The following CNGB1 variants were observed in gnomAD, a reference collection of about 807,000 sequenced individuals.
The protein encoded by CNGB1 is cyclic nucleotide-gated channel beta-1.
CNGB1 carries 126 observed loss-of-function variants against 151.7 expected under a neutral mutation model. The observed-to-expected ratio is 0.83, with a 90% CI of 0.72 to 0.96. CNGB1 has a LOEUF of 0.96. Ranked by LOEUF, CNGB1 falls within the 40% of genes least tolerant of loss-of-function variation. The probability of loss-of-function intolerance (pLI) is 0.00; values close to 1 mark genes in which losing one functional copy is unlikely to be tolerated. For synonymous variants in CNGB1, 623 were observed against 635.1 expected, an observed-to-expected ratio of 0.98 and a Z score of 0.29; for missense variants, 1,698 against 1,627.0, an observed-to-expected ratio of 1.04 and a Z score of -0.75.
intron 12 of CNGB1, 88 bp from the exon 13 acceptor site, chr16:57,950,628 T>A: frequency 3.3e-5 from 42 of 1,277,290 alleles, no homozygotes; most frequent in Non-Finnish European, 4.1e-5. Flanking sequence ...CAGGGAGCCC[T>A]GGCTGTCGCC....
At chr16:57,911,310 G>A (rs532889264) in intron 25 of CNGB1, among the ~76,000 whole-genome samples, 3 of 152,242 alleles carry the variant, frequency 2.0e-5, no homozygotes, top group African/African-American at 7.2e-5. Flanking sequence ...TATTTTTTGA[G>A]ATGGAGTTTC....
intron 29 of CNGB1, among the ~76,000 whole-genome samples, chr16:57,899,169 C>T (rs1011910448): frequency 2.0e-5 from 3 of 152,144 alleles, no homozygotes; most frequent in African/African-American, 7.2e-5. Flanking sequence ...CAAGTTAAAC[C>T]GAATGCATGC....
At chr16:57,969,642 A>T (rs983544081) in intron 1 of CNGB1, among the ~76,000 whole-genome samples, 1 of 152,212 alleles carries the variant, frequency 6.6e-6, no homozygotes, top group Admixed American at 6.5e-5. Context: ...GCTATATTTT[A>T]AAAAAAGAAA....
chr16:57,887,734 G>T (rs1254480329), intron 32 of CNGB1, 121 bp downstream of exon 32: 5 of 965,814 alleles, frequency 5.2e-6, no homozygotes, highest in African/African-American at 4.8e-5. Context: ...AGCCCTGACT[G>T]ATAGAAAAAG....
chr16:57,969,104 G>A (rs558009832), intron 1 of CNGB1, among the ~76,000 whole-genome samples: 6 of 152,212 alleles, frequency 3.9e-5, no homozygotes, highest in Non-Finnish European at 5.9e-5. Flanking sequence ...TCAGGAGTTC[G>A]AGATCAGCCT....
At chr16:57,966,076 T>TA (rs1962392935) in intron 2 of CNGB1, among the ~76,000 whole-genome samples, 1 of 152,172 alleles carries the variant, frequency 6.6e-6, no homozygotes, top group Non-Finnish European at 1.5e-5. Context: ...CTCCCTCAGT[T>TA]AAAATTCTGC....
intron 12 of CNGB1, among the ~76,000 whole-genome samples, chr16:57,953,733 G>T (rs1962018790): frequency 6.6e-6 from 1 of 151,944 alleles, no homozygotes; most frequent in East Asian, 1.9e-4. Context: ...CTCCTACCTG[G>T]CCCCAAAGCA....
chr16:57,884,908 TGAAG>T, intron 32 of CNGB1, among the ~76,000 whole-genome samples: 1 of 152,174 alleles, frequency 6.6e-6, no homozygotes, highest in Admixed American at 6.5e-5. Flanking sequence ...TAAAAAGTGA[TGAAG>T]GGAGAGGCTG....
intron 12 of CNGB1, chr16:57,955,139 G>A (rs1164068617): frequency 2.7e-6 from 4 of 1,468,966 alleles, no homozygotes; most frequent in Non-Finnish European, 3.6e-6. Flanking sequence ...CCTTGTTCTG[G>A]TCTGGGAGGC....
chr16:57,954,896 G>T (rs1322562676), intron 12 of CNGB1: 79 of 1,033,776 alleles, frequency 7.6e-5, no homozygotes, highest in Non-Finnish European at 9.0e-5. Flanking sequence ...TCCATCCATG[G>T]GGCTTTTTAA....
chr16:57,948,147 A>C (rs908611764), intron 14 of CNGB1, among the ~76,000 whole-genome samples: 7 of 152,140 alleles, frequency 4.6e-5, no homozygotes, highest in Non-Finnish European at 1.0e-4. Context: ...CTGGCCCACC[A>C]TAACAGTCTC....
At chr16:57,955,412 C>T (rs536701843) in intron 12 of CNGB1, 29 of 1,474,786 alleles carry the variant, frequency 2.0e-5, no homozygotes, top group African/African-American at 1.7e-4. Flanking sequence ...GGTGGACAGG[C>T]GGAGGGAATG....
Position 57,904,687 on chromosome 16 carries a change from G to A in CNGB1, c.2634+47C>T, listed in dbSNP as rs781644622. 17 of 1,612,656 alleles carry A rather than the reference G, an allele frequency of 1.1e-5. No individual in the cohort carries two copies. In the Admixed American group the frequency reaches 2.3e-4, roughly 22 times the overall value. On this transcript the variant is annotated intron_variant, in intron 26 of 32. Coordinates refer to ENST00000251102, the MANE Select transcript of CNGB1 (RefSeq NM_001297.5). The stretch of plus-strand genomic sequence containing the variant: ...GACATTTCTGGCAACAGTGGGAGGG[G>A]GCCCTGCAGTCAGGTGGGGTGGGAA...
chr16:57,888,216 G>T, intron 31 of CNGB1, 142 bp from the exon 32 acceptor site: 1 of 838,266 alleles, frequency 1.2e-6, no homozygotes, highest in Non-Finnish European at 2.0e-6. Flanking sequence ...TCTGGGCCAA[G>T]CGTCGTGTTA....
Position 57,967,033 on chromosome 16 carries a change from T to A in CNGB1, c.159+95A>T, listed in dbSNP as rs1962415986. On this transcript the variant is annotated intron_variant, in intron 2 of 32. Transcript: ENST00000251102. ...ACTTTTCCTTCTGATGCCAACCTTT[T>A]CTGCTGTAGAAAGTCCCTGGAGAGC... 2.5e-6 allele frequency: 4 copies of A among 1,573,928 alleles called. No homozygotes were observed. In the Admixed American group the frequency reaches 5.0e-5, roughly 20 times the overall value.
At chr16:57,926,282 GGCCAATCAGAGA>G (rs1220628795) in intron 17 of CNGB1, among the ~76,000 whole-genome samples, 1 of 152,142 alleles carries the variant, frequency 6.6e-6, no homozygotes, top group Admixed American at 6.5e-5. Context: ...AGCCCCTGAG[GGCCAATCAGAGA>G]GCTGGGCAGG....
intron 16 of CNGB1, among the ~76,000 whole-genome samples, chr16:57,936,909 C>G (rs1165942602): frequency 6.6e-6 from 1 of 152,168 alleles, no homozygotes; most frequent in African/African-American, 2.4e-5. Context: ...GGGGCTACAA[C>G]CCCTCAAGTC....
chr16:57,946,552 G>C (rs1316446189), intron 14 of CNGB1: 3 of 152,244 alleles, frequency 2.0e-5, no homozygotes, highest in Non-Finnish European at 4.4e-5. Context: ...CTTCTAATCA[G>C]ATTGAGGAGA....
rs555196350 is a variant in CNGB1, at chr16:57,912,711, G to A, written c.2369+219C>T. The stretch of plus-strand genomic sequence containing the variant: ...TATATCTCTGTTGTGTGTGTGTTGT[G>A]CACGTATGTATGTGTTGTGTGTTGT... On this transcript the variant is annotated intron_variant, in intron 24 of 32. Coordinates refer to ENST00000251102, the MANE Select transcript of CNGB1 (RefSeq NM_001297.5). 9.6e-4 allele frequency among the ~76,000 whole-genome samples: 144 copies of A among 150,584 alleles called. 1 individual carries two copies. The Middle Eastern group carries it at 0.014, about 14-fold the overall frequency.
Sources: allele counts gnomAD v4.1 joint callset (sites outside exome capture counted in the v4.1 genomes callset), GRCh38; gene constraint gnomAD v4.1.1; transcripts MANE v1.5; gene names NCBI Gene and HGNC (gene_info 2026-07-23, HGNC 2026-07-21).